FBXO44: variants seen among roughly 807,000 people sequenced by gnomAD.
The protein encoded by FBXO44 is F-box only protein 44.
In FBXO44, 25 loss-of-function variants were observed where a neutral mutation model predicts 33.5. That is an observed-to-expected ratio of 0.75 (90% CI 0.54 to 1.04). The LOEUF is 1.04. Ranked by LOEUF, FBXO44 falls within the 50% of genes least tolerant of loss-of-function variation. FBXO44 has a pLI of 0.00. For missense variants in FBXO44, 311 were observed against 344.0 expected (o/e 0.90, Z 0.76); for synonymous variants, 147 against 152.8 (o/e 0.96, Z 0.28).
Position 11,661,949 on chromosome 1 carries a change from G to A in FBXO44, c.*676G>A, listed in dbSNP as rs1181956267. 6.5e-6 allele frequency: 1 copy of A among 152,690 alleles called. No individual in the cohort carries two copies. Among genetic ancestry groups the A allele is most frequent in the East Asian group, 1.9e-4 (1 of 5,204 alleles). The allele number at this position is 152,690 out of a possible 1,614,324, so 9.5% of individuals were successfully genotyped here. On this transcript the variant is annotated 3_prime_UTR_variant, in exon 6 of 6. Transcript: ENST00000251547. The surrounding 1 kb of genome is among the most constrained non-coding windows in gnomAD (Gnocchi z 4.4). Reference sequence around the variant, plus strand: ...CCCAGAAGCTAGATGGGTACCAGGTGGGGTTAGGTTCCCAGAGGACTGAGG... The same window carrying A: ...CCCAGAAGCTAGATGGGTACCAGGTAGGGTTAGGTTCCCAGAGGACTGAGG...
At chr1:11,659,497 T>A (rs1023862155) in intron 5 of FBXO44, among the ~76,000 whole-genome samples, 2 of 152,248 alleles carry the variant, frequency 1.3e-5, no homozygotes, top group Non-Finnish European at 2.9e-5. Flanking sequence ...TTTGTTTGTT[T>A]GTTTGTTTTA....
intron 2 of FBXO44, among the ~76,000 whole-genome samples, chr1:11,656,516 C>A (rs1639816604): frequency 6.6e-6 from 1 of 150,768 alleles, no homozygotes; most frequent in Non-Finnish European, 1.5e-5. Context: ...AGCTGGAGTG[C>A]AATGGTGCGA....
At chr1:11,659,359 CAA>C (rs1640035824) in intron 5 of FBXO44, among the ~76,000 whole-genome samples, 1 of 151,950 alleles carries the variant, frequency 6.6e-6, no homozygotes, top group East Asian at 1.9e-4. Context: ...GCCTGGGCAA[CAA>C]GAGCGAAACT....
intron 2 of FBXO44, 149 bp from the exon 3 acceptor site, chr1:11,658,118 C>T (rs1023117559): frequency 1.4e-5 from 18 of 1,288,776 alleles, no homozygotes; most frequent in Non-Finnish European, 1.6e-5. Flanking sequence ...ACCTAATACG[C>T]GGTGGGCACT....
chr1:11,657,272 T>G (rs184444866), intron 2 of FBXO44, among the ~76,000 whole-genome samples: 8 of 152,344 alleles, frequency 5.3e-5, no homozygotes, highest in African/African-American at 1.9e-4. Flanking sequence ...CCTACAATAT[T>G]TTCGCACTTT....
chr1:11,659,482 A>G (rs895149403), intron 5 of FBXO44, among the ~76,000 whole-genome samples: 2 of 152,094 alleles, frequency 1.3e-5, no homozygotes, highest in Non-Finnish European at 1.5e-5. Flanking sequence ...GTCAGCAAAT[A>G]TTTGTTTGTT....
In FBXO44 at chr1:11,658,517, C is replaced by A; in HGVS notation, c.393-16C>A. 1.2e-6 allele frequency: 2 copies of A among 1,610,676 alleles called. No individual in the cohort carries two copies. Among genetic ancestry groups the A allele is most frequent in the Non-Finnish European group, 1.7e-6 (2 of 1,179,076 alleles). The stretch of plus-strand genomic sequence containing the variant: ...GTGGTGAGCCCAGCCCCTCCCACCC[C>A]TCTGCCTGCCCCCAGCACCTGCCTC... On this transcript the variant is annotated splice_polypyrimidine_tract_variant and intron_variant, in intron 3 of 5. Transcript: ENST00000251547.
chr1:11,655,807 T>A lies in FBXO44; in HGVS notation c.-29T>A. 4 of 1,609,954 alleles carry A rather than the reference T, an allele frequency of 2.5e-6. No individual in the cohort carries two copies. The highest frequency in any genetic ancestry group is 3.4e-6 in the Non-Finnish European group (4 of 1,177,166). ...GCCTGCAGCATAGCTTTTCAACAGC[T>A]ACAGGAGGGTGTCCAGAAGCCACAA... is the stretch of plus-strand genomic sequence containing the variant. On this transcript the variant is annotated splice_region_variant and 5_prime_UTR_variant, in exon 2 of 6. Coordinates refer to ENST00000251547, the MANE Select transcript of FBXO44 (RefSeq NM_033182.7).
chr1:11,656,768 T>C (rs1004532522), intron 2 of FBXO44, among the ~76,000 whole-genome samples: 1 of 152,202 alleles, frequency 6.6e-6, no homozygotes, highest in Non-Finnish European at 1.5e-5. Flanking sequence ...CGGCCTCTTA[T>C]TCTGCTCTTA....
At position 11,654,888 on chromosome 1, in the gene FBXO44, A is replaced by T. The variant is rs1203601969; in HGVS notation, c.-95A>T. 1 of 148,056 alleles carries T rather than the reference A, an allele frequency of 6.8e-6. No individual in the cohort carries two copies. The highest frequency in any genetic ancestry group is 1.5e-5 in the Non-Finnish European group (1 of 66,470). The allele number at this position is 148,056 out of a possible 1,614,324, so 9.2% of individuals were successfully genotyped here. A position where few individuals can be genotyped will look rare whatever the true frequency, so the allele number is the denominator to read the frequency against. ...CGGGGCGGGGCCTCGCTTTCCAGGCAAGCGCAGGTCCAGGCGGTGCAGCTT... is the reference window on the plus strand; with the variant it reads ...CGGGGCGGGGCCTCGCTTTCCAGGCTAGCGCAGGTCCAGGCGGTGCAGCTT... On this transcript the variant is annotated 5_prime_UTR_variant, in exon 1 of 6. Coordinates refer to ENST00000251547, the MANE Select transcript of FBXO44 (RefSeq NM_033182.7).
rs1557665202 is a variant in FBXO44 at position 11,661,239 on chromosome 1, ACAG to A, written c.740_742del (p.Ser247del). Reference sequence around the variant, plus strand: ...GGCTGGTACGGCCCGAGGGTCACCAACAGCAGCATCACCATCGGGCCCCCGCTG... The same window carrying A: ...GGCTGGTACGGCCCGAGGGTCACCAACAGCATCACCATCGGGCCCCCGCTG... On this transcript the variant is annotated inframe_deletion, in exon 6 of 6. Coordinates refer to ENST00000251547, the MANE Select transcript of FBXO44 (RefSeq NM_033182.7). The surrounding 1 kb of genome is among the most constrained non-coding windows in gnomAD (Gnocchi z 4.4). 4 of 1,614,156 alleles carry A rather than the reference ACAG, an allele frequency of 2.5e-6. No homozygotes were observed. Among genetic ancestry groups the A allele is most frequent in the Non-Finnish European group, 3.4e-6 (4 of 1,180,024 alleles).
intron 1 of FBXO44, chr1:11,655,529 C>A (rs1312629870): frequency 6.9e-6 from 3 of 436,460 alleles, no homozygotes; most frequent in Non-Finnish European, 1.2e-5. Flanking sequence ...AAAAGGCTGG[C>A]CCTGGAATCA....
In FBXO44 at chr1:11,658,337, C is replaced by A; in HGVS notation, c.336C>A (p.Asp112Glu). 1 of 1,613,124 alleles carries A rather than the reference C, an allele frequency of 6.2e-7. No individual in the cohort carries two copies. The highest frequency in any genetic ancestry group is 8.5e-7 in the Non-Finnish European group (1 of 1,179,782). The change falls in exon 3 of 6, where the codon GAC (aspartate) becomes GAA (glutamate). Residue 112 changes from aspartate (D) to glutamate (E), a missense_variant. By Grantham distance (45) the Asp-to-Glu change is conservative. Transcript: ENST00000251547. ...DEWKVEDLSR[D>E]QRKEFPNDQV... ...GGAAGGTGGAGGATCTCTCTCGAGA[C>A]CAGAGGAAGGAATTCCCCAATGACC... is the stretch of plus-strand genomic sequence containing the variant.
Position 11,661,023 on chromosome 1 carries a change from C to T in FBXO44, c.625-107C>T. On this transcript the variant is annotated intron_variant, in intron 5 of 5. Transcript: ENST00000251547. The surrounding 1 kb of genome is among the most constrained non-coding windows in gnomAD (Gnocchi z 4.4). ...GTTGCAAACTCCTGGGCTCAAACAACCCTCCCACCTCAGCCTCCCAAAGTA... is the reference window on the plus strand; with the variant it reads ...GTTGCAAACTCCTGGGCTCAAACAATCCTCCCACCTCAGCCTCCCAAAGTA... 8.3e-7 allele frequency: 1 copy of T among 1,203,116 alleles called. No homozygotes were observed. Among genetic ancestry groups the T allele is most frequent in the Non-Finnish European group, 1.2e-6 (1 of 853,174 alleles). 74.5% of individuals were successfully genotyped at this position (1,203,116 alleles called of 1,614,324 possible). A position where few individuals can be genotyped will look rare whatever the true frequency, so the allele number is the denominator to read the frequency against.
At chr1:11,655,442 G>A in intron 1 of FBXO44, 1 of 224,542 alleles carries the variant, frequency 4.5e-6, no homozygotes, top group South Asian at 7.4e-5. Context: ...ATGGGAGAGA[G>A]GATGGTGACG....
chr1:11,656,808 C>T (rs898850864), intron 2 of FBXO44, among the ~76,000 whole-genome samples: 3 of 152,218 alleles, frequency 2.0e-5, no homozygotes, highest in African/African-American at 4.8e-5. Context: ...CTTTCCTAGG[C>T]GAGGGAATGT....
At chr1:11,660,047 G>A (rs961014024) in intron 5 of FBXO44, among the ~76,000 whole-genome samples, 2 of 152,272 alleles carry the variant, frequency 1.3e-5, no homozygotes, top group African/African-American at 4.8e-5. Context: ...GAAATGGTCT[G>A]TGTCTATGCT....
At chr1:11,657,212 G>A (rs1237015825) in intron 2 of FBXO44, among the ~76,000 whole-genome samples, 1 of 152,172 alleles carries the variant, frequency 6.6e-6, no homozygotes, top group East Asian at 1.9e-4. Context: ...AAAAGAAGAA[G>A]AAGAAACAAC....
intron 5 of FBXO44, 29 bp downstream of exon 5, chr1:11,658,900 G>A (rs758809690): frequency 1.2e-6 from 2 of 1,600,604 alleles, no homozygotes; most frequent in Non-Finnish European, 1.7e-6. Flanking sequence ...CGGGGGCAGA[G>A]GCAGATCGTC....
Sources: gnomAD v4.1 joint callset for allele counts (sites outside exome capture counted in the v4.1 genomes callset) on GRCh38, gnomAD v4.1.1 for gene constraint, Gnocchi (gnomAD v3.1) non-coding constraint, MANE v1.5 for transcripts, NCBI Gene and HGNC (gene_info 2026-07-23, HGNC 2026-07-21) for gene names.